Variants in AHI1 observed in about 807,000 individuals in gnomAD.
AHI1 encodes jouberin.
A neutral mutation model predicts 149.3 loss-of-function variants in AHI1; 123 were observed. The ratio of observed to expected loss-of-function variants is 0.82; its 90% CI spans 0.71 to 0.96. AHI1 has a LOEUF of 0.96. Among genes scored for constraint, AHI1 ranks in the 40% least tolerant of loss-of-function variants. AHI1 has a pLI of 0.00. For synonymous variants in AHI1, 475 were observed against 459.8 expected (o/e 1.03, Z -0.42); for missense variants, 1,439 against 1,422.7 (o/e 1.01, Z -0.18).
chr6:135,416,997 G>C (rs1782475643), intron 20 of AHI1, among the ~76,000 whole-genome samples: 1 of 151,916 alleles, frequency 6.6e-6, no homozygotes, highest in African/African-American at 2.4e-5. Context: ...AAAACAATCA[G>C]AACACTTATT....
At chr6:135,388,255 T>G (rs1198553905) in intron 23 of AHI1, among the ~76,000 whole-genome samples, 1 of 152,204 alleles carries the variant, frequency 6.6e-6, no homozygotes, top group Non-Finnish European at 1.5e-5. Context: ...AACATTCTTT[T>G]TCAATTAACA....
intron 15 of AHI1, among the ~76,000 whole-genome samples, chr6:135,436,566 C>T (rs1287854852): frequency 6.6e-6 from 1 of 152,096 alleles, no homozygotes; most frequent in Non-Finnish European, 1.5e-5. Flanking sequence ...GCAGGAAGAA[C>T]TGAAAATGAT....
At chr6:135,318,496 T>C (rs773495107) in intron 26 of AHI1, 23 bp downstream of exon 26, 5 of 1,418,476 alleles carry the variant, frequency 3.5e-6, no homozygotes, top group Non-Finnish European at 4.9e-6. Context: ...ACATATGTAA[T>C]ACGTATGCTC....
At chr6:135,433,779 T>A (rs914952043) in intron 15 of AHI1, among the ~76,000 whole-genome samples, 4 of 151,880 alleles carry the variant, frequency 2.6e-5, no homozygotes, top group African/African-American at 9.7e-5. Flanking sequence ...ATACTAAAAT[T>A]ATTATATTTT....
chr6:135,409,899 C>G (rs372903064), intron 21 of AHI1, among the ~76,000 whole-genome samples: 1 of 152,144 alleles, frequency 6.6e-6, no homozygotes, highest in Non-Finnish European at 1.5e-5. Flanking sequence ...ACATGCTGGT[C>G]TCTTCTTTAA....
Position 135,312,766 on chromosome 6 carries a change from G to A in AHI1, c.3426+5753C>T, listed in dbSNP as rs116352352. 2.0e-3 allele frequency among the ~76,000 whole-genome samples: 298 copies of A among 152,242 alleles called. 1 individual carries two copies. Among genetic ancestry groups the A allele is most frequent in the African/African-American group, 6.7e-3 (280 of 41,548 alleles). ...TTAAACGAACTTCTTATAGCTTCCCGGATCTCAATTTCCTGTAGAATGAAG... is the reference window on the plus strand; with the variant it reads ...TTAAACGAACTTCTTATAGCTTCCCAGATCTCAATTTCCTGTAGAATGAAG... On this transcript the variant is annotated intron_variant, in intron 26 of 28. Coordinates refer to ENST00000265602, the MANE Select transcript of AHI1 (RefSeq NM_001134831.2).
intron 23 of AHI1, among the ~76,000 whole-genome samples, chr6:135,369,404 C>T (rs1364607829): frequency 6.6e-6 from 1 of 152,192 alleles, no homozygotes; most frequent in Non-Finnish European, 1.5e-5. Flanking sequence ...CAAGTGGGAG[C>T]TGCAAGTTAG....
At chr6:135,474,369 T>A (rs1562259229) in intron 5 of AHI1, 1 of 152,224 alleles carries the variant, frequency 6.6e-6, no homozygotes, top group African/African-American at 2.4e-5. Context: ...CAATTGTGAA[T>A]ACACACAGTG....
chr6:135,405,363 T>C (rs2128499251), intron 21 of AHI1, among the ~76,000 whole-genome samples: 1 of 152,346 alleles, frequency 6.6e-6, no homozygotes, highest in African/African-American at 2.4e-5. Flanking sequence ...CATTCCCATA[T>C]TATTTGTATC....
intron 8 of AHI1, among the ~76,000 whole-genome samples, chr6:135,458,757 C>T (rs1205360410): frequency 6.6e-6 from 1 of 152,148 alleles, no homozygotes; most frequent in Non-Finnish European, 1.5e-5. Flanking sequence ...AGCCAGTCTC[C>T]TGCTCAAAGA....
intron 22 of AHI1, among the ~76,000 whole-genome samples, chr6:135,400,358 T>C (rs1055692526): frequency 2.0e-5 from 3 of 152,134 alleles, no homozygotes; most frequent in Non-Finnish European, 4.4e-5. Context: ...GACTACAATA[T>C]ACATTACCAC....
At chr6:135,436,278 G>C (rs1785388025) in intron 15 of AHI1, among the ~76,000 whole-genome samples, 1 of 152,100 alleles carries the variant, frequency 6.6e-6, no homozygotes, top group South Asian at 2.1e-4. Context: ...ACTGGTCAGA[G>C]TAATAAAAAG....
At position 135,449,257 on chromosome 6, in the gene AHI1, T is replaced by C. The variant is rs549678640; in HGVS notation, c.1441-782A>G. On this transcript the variant is annotated intron_variant, in intron 11 of 28. Transcript: ENST00000265602. ...ATAGTCAGAGGTTTTGCCATGTTGGTCAGGCTGGTCTTGAACTCCTGGCCT... is the reference window on the plus strand; with the variant it reads ...ATAGTCAGAGGTTTTGCCATGTTGGCCAGGCTGGTCTTGAACTCCTGGCCT... Among the ~76,000 whole-genome samples the C allele has an allele frequency of 7.4e-4, 112 of 152,104 alleles. 1 individual carries two copies. The highest frequency in any genetic ancestry group is 1.4e-3 in the Non-Finnish European group (93 of 67,982).
intron 26 of AHI1, among the ~76,000 whole-genome samples, chr6:135,312,572 AAAAC>A (rs1327234030): frequency 1.3e-5 from 2 of 152,254 alleles, no homozygotes; most frequent in African/African-American, 2.4e-5. Context: ...AAAGAAAACA[AAAAC>A]AAACAAACCA....
chr6:135,465,718 A>T, intron 7 of AHI1, 96 bp downstream of exon 7: 1 of 1,044,206 alleles, frequency 9.6e-7, no homozygotes, highest in Non-Finnish European at 1.3e-6. Context: ...ATAAAAGCGT[A>T]AGAATTTTCT....
chr6:135,404,607 A>G (rs748016109), intron 22 of AHI1, among the ~76,000 whole-genome samples: 5 of 152,252 alleles, frequency 3.3e-5, no homozygotes, highest in Non-Finnish European at 5.9e-5. Context: ...TTTACTCAGC[A>G]TATACCTACT....
At chr6:135,303,421 A>G (rs1030381146) in intron 26 of AHI1, among the ~76,000 whole-genome samples, 1 of 152,184 alleles carries the variant, frequency 6.6e-6, no homozygotes. Context: ...GTTTGTTTAT[A>G]TCTACTTTGT....
In AHI1 at chr6:135,375,988, C is replaced by T. The variant is rs139494938; in HGVS notation, c.3110-17801G>A. On this transcript the variant is annotated intron_variant, in intron 23 of 28. Transcript: ENST00000265602. ...GCAGGAATGAATGGGCTCTCCTTTG[C>T]CAAATTGGGGACAATTTGAGCCACA... 4.3e-4 allele frequency among the ~76,000 whole-genome samples: 65 copies of T among 151,788 alleles called. 1 individual carries two copies. In the East Asian group the frequency reaches 0.011, roughly 25 times the overall value.
intron 20 of AHI1, among the ~76,000 whole-genome samples, chr6:135,422,303 G>A (rs1267078731): frequency 1.3e-5 from 2 of 152,092 alleles, no homozygotes; most frequent in Non-Finnish European, 2.9e-5. Context: ...GATCACTTGA[G>A]ACCAGGCCTA....
Sources: allele counts gnomAD v4.1 joint callset (sites outside exome capture counted in the v4.1 genomes callset), GRCh38; gene constraint gnomAD v4.1.1; transcripts MANE v1.5; gene names NCBI Gene and HGNC (gene_info 2026-07-23, HGNC 2026-07-21).